GRM7: variants seen among roughly 807,000 people sequenced by gnomAD.
GRM7 encodes the protein metabotropic glutamate receptor 7.
GRM7 carries 35 observed loss-of-function variants against 84.5 expected under a neutral mutation model. The observed-to-expected ratio is 0.41, with a 90% confidence interval of 0.32 to 0.55. The LOEUF (loss-of-function observed/expected upper bound fraction) is 0.55. Ranked by LOEUF, GRM7 falls within the 20% of genes least tolerant of loss-of-function variation. The pLI is 0.19. For missense variants in GRM7, 1,003 were observed against 1,194.6 expected (o/e 0.84, Z 2.36); for synonymous variants, 487 against 455.1 (o/e 1.07, Z -0.89).
intron 4 of GRM7, among the ~76,000 whole-genome samples, chr3:7,366,422 C>T (rs1050177277): frequency 1.3e-5 from 2 of 151,830 alleles, no homozygotes; most frequent in African/African-American, 4.8e-5. Context: ...TTTCCTCAGT[C>T]CACCATTTTG....
intron 2 of GRM7, among the ~76,000 whole-genome samples, chr3:7,231,013 T>C (rs903307861): frequency 1.3e-5 from 2 of 152,130 alleles, no homozygotes; most frequent in Non-Finnish European, 2.9e-5. Context: ...ACCTGCCCAA[T>C]AGGGTTACAT....
At chr3:7,704,437 A>G (rs1018181814) in intron 9 of GRM7, among the ~76,000 whole-genome samples, 2 of 152,108 alleles carry the variant, frequency 1.3e-5, no homozygotes, top group African/African-American at 4.8e-5. Context: ...GTTTGAGAGT[A>G]TTTTTTTCTA....
chr3:7,720,141 T>C (rs958502606), intron 9 of GRM7, among the ~76,000 whole-genome samples: 10 of 152,174 alleles, frequency 6.6e-5, no homozygotes, highest in African/African-American at 2.4e-4. Flanking sequence ...GCAAGAAACC[T>C]GAAACTTGAC....
intron 1 of GRM7, among the ~76,000 whole-genome samples, chr3:7,009,891 C>T (rs1165317416): frequency 6.6e-6 from 1 of 152,090 alleles, no homozygotes; most frequent in Non-Finnish European, 1.5e-5. Context: ...TTCACAGATT[C>T]TCGAATCAGA....
chr3:6,931,768 C>T (rs773828744), intron 1 of GRM7, among the ~76,000 whole-genome samples: 3 of 152,308 alleles, frequency 2.0e-5, no homozygotes, highest in South Asian at 4.1e-4. Flanking sequence ...GCTCAAGAAC[C>T]GTGTCTCTCT....
chr3:6,889,547 T>C (rs1270902043), intron 1 of GRM7, among the ~76,000 whole-genome samples: 2 of 152,188 alleles, frequency 1.3e-5, no homozygotes, highest in Admixed American at 6.5e-5. Flanking sequence ...TTGATTTGCA[T>C]ATATTGAACC....
At chr3:7,421,791 A>G (rs1696404486) in intron 5 of GRM7, among the ~76,000 whole-genome samples, 1 of 152,040 alleles carries the variant, frequency 6.6e-6, no homozygotes, top group Non-Finnish European at 1.5e-5. Context: ...TCTAGAGCCT[A>G]GGAGCTCTTC....
intron 1 of GRM7, among the ~76,000 whole-genome samples, chr3:6,959,566 G>A (rs1299839571): frequency 1.3e-5 from 2 of 152,094 alleles, no homozygotes; most frequent in Admixed American, 1.3e-4. Flanking sequence ...CTGAAAAGTG[G>A]CAAGAGTTTA....
At chr3:7,720,110 C>T (rs111246509) in intron 9 of GRM7, among the ~76,000 whole-genome samples, 4,591 of 152,184 alleles carry the variant, frequency 0.03, 115 homozygotes, top group South Asian at 0.084. Context: ...TCATTTTCCT[C>T]ATCTTATAGA....
intron 8 of GRM7, among the ~76,000 whole-genome samples, chr3:7,593,072 T>A (rs1251329208): frequency 6.6e-6 from 1 of 152,228 alleles, no homozygotes; most frequent in East Asian, 1.9e-4. Flanking sequence ...AGTTAGAGTA[T>A]CTTTTCAAAT....
At chr3:7,083,487 A>G (rs9874908) in intron 1 of GRM7, among the ~76,000 whole-genome samples, 74,196 of 151,950 alleles carry the variant, frequency 0.49, 19,158 homozygotes, top group African/African-American at 0.67. Context: ...CAATTCTACA[A>G]TATCTCCTAG....
chr3:7,266,214 C>T (rs1050949533), intron 2 of GRM7, among the ~76,000 whole-genome samples: 1 of 152,086 alleles, frequency 6.6e-6, no homozygotes, highest in African/African-American at 2.4e-5. Flanking sequence ...AAAAAAATCC[C>T]AAGTACAGGT....
intron 1 of GRM7, among the ~76,000 whole-genome samples, chr3:6,950,939 C>T (rs961005704): frequency 2.0e-5 from 3 of 152,202 alleles, no homozygotes; most frequent in Non-Finnish European, 4.4e-5. Flanking sequence ...ACCCGATTTT[C>T]CAGGTGCAGT....
chr3:7,223,413 T>C (rs2124881228), intron 2 of GRM7, among the ~76,000 whole-genome samples: 1 of 152,280 alleles, frequency 6.6e-6, no homozygotes, highest in Middle Eastern at 3.4e-3. Flanking sequence ...ATGTCATCAG[T>C]AGATTTTGTC....
intron 1 of GRM7, among the ~76,000 whole-genome samples, chr3:7,096,647 A>C (rs1698871620): frequency 6.6e-6 from 1 of 151,992 alleles, no homozygotes; most frequent in African/African-American, 2.4e-5. Context: ...ACATGAGTCA[A>C]CTCAACTTAC....
At chr3:7,693,069 CT>C (rs1700869840) in intron 9 of GRM7, among the ~76,000 whole-genome samples, 1 of 150,686 alleles carries the variant, frequency 6.6e-6, no homozygotes, top group Non-Finnish European at 1.5e-5. Flanking sequence ...AATTTAAATA[CT>C]GTACTTCCTG....
intron 7 of GRM7, among the ~76,000 whole-genome samples, chr3:7,532,209 T>C (rs1170436215): frequency 6.6e-6 from 1 of 152,178 alleles, no homozygotes; most frequent in Non-Finnish European, 1.5e-5. Context: ...AGCTCCTCTT[T>C]GTACCTCTGG....
chr3:7,440,371 A>G (rs73810655), intron 5 of GRM7, among the ~76,000 whole-genome samples: 4,476 of 152,284 alleles, frequency 0.029, 226 homozygotes, highest in African/African-American at 0.1. Flanking sequence ...ATCTAGTCAC[A>G]CAGAGAAAAT....
intron 8 of GRM7, among the ~76,000 whole-genome samples, chr3:7,678,326 C>G (rs1210858571): frequency 1.3e-5 from 2 of 152,100 alleles, no homozygotes; most frequent in African/African-American, 4.8e-5. Context: ...ATAATTTCAT[C>G]AACTGCAAAA....
Sources: gnomAD v4.1 joint callset for allele counts (sites outside exome capture counted in the v4.1 genomes callset) on GRCh38, gnomAD v4.1.1 for gene constraint, MANE v1.5 for transcripts, NCBI Gene and HGNC (gene_info 2026-07-23, HGNC 2026-07-21) for gene names.